PPP1R14C: variants seen among roughly 807,000 people sequenced by gnomAD.
The protein encoded by PPP1R14C is protein phosphatase 1 regulatory inhibitor subunit 14C.
A neutral mutation model predicts 20.4 loss-of-function variants in PPP1R14C; 16 were observed. The observed-to-expected ratio is 0.78, with a 90% CI of 0.53 to 1.19. The LOEUF is 1.19. Among genes scored for constraint, PPP1R14C ranks in the 50% most tolerant of loss-of-function variants. The probability of loss-of-function intolerance (pLI) is 0.00; values close to 1 mark genes in which losing one functional copy is unlikely to be tolerated. For missense variants in PPP1R14C, 211 were observed against 220.1 expected (o/e 0.96, Z 0.26); for synonymous variants, 91 against 91.0 (o/e 1.00, Z 0.00).
intron 1 of PPP1R14C, chr6:150,195,916 G>A: frequency 1.2e-5 from 12 of 985,394 alleles, no homozygotes; most frequent in Non-Finnish European, 1.4e-5. Flanking sequence ...GGCAGTGATT[G>A]GCCTGAATGC....
At chr6:150,236,966 C>T (rs1778369031) in intron 3 of PPP1R14C, among the ~76,000 whole-genome samples, 1 of 152,092 alleles carries the variant, frequency 6.6e-6, no homozygotes, top group South Asian at 2.1e-4. Flanking sequence ...GGAAAACTGA[C>T]CATCACTGAG....
chr6:150,236,420 T>G (rs777348764), intron 3 of PPP1R14C, among the ~76,000 whole-genome samples: 12 of 152,134 alleles, frequency 7.9e-5, no homozygotes, highest in Non-Finnish European at 1.6e-4. Flanking sequence ...CGGTGCATTC[T>G]CAGATCCCAA....
chr6:150,221,572 T>C (rs948876569), intron 3 of PPP1R14C, among the ~76,000 whole-genome samples: 1 of 152,230 alleles, frequency 6.6e-6, no homozygotes, highest in Non-Finnish European at 1.5e-5. Flanking sequence ...CTGATTCAGA[T>C]ACTTTTATTT....
At chr6:150,198,215 G>A (rs1777831610) in intron 1 of PPP1R14C, among the ~76,000 whole-genome samples, 2 of 147,920 alleles carry the variant, frequency 1.4e-5, no homozygotes, top group Non-Finnish European at 3.0e-5. Context: ...CACGGTGGAG[G>A]AGGGCCTGGA....
In PPP1R14C at chr6:150,249,445, A is replaced by AT. The variant is rs563428908; in HGVS notation, c.*629dup. On this transcript the variant is annotated 3_prime_UTR_variant, in exon 4 of 4. Transcript: ENST00000361131. ...AGTGAAAGAATTCAGTGTATCCGTT[A>AT]TTTTAATGCACTACACCACAGAAAT... The AT allele has an allele frequency of 1.0e-3, 407 of 398,644 alleles. 3 individuals are homozygous for AT. Among genetic ancestry groups the AT allele is most frequent in the African/African-American group, 7.4e-3 (360 of 48,748 alleles). 24.7% of individuals were successfully genotyped at this position (398,644 alleles called of 1,614,324 possible). A position where few individuals can be genotyped will look rare whatever the true frequency, so the allele number is the denominator to read the frequency against.
rs1360418660 is a variant in PPP1R14C, at chr6:150,201,912, C to T, written c.307-12832C>T. On this transcript the variant is annotated intron_variant, in intron 1 of 3. Transcript: ENST00000361131. The surrounding 1 kb of genome is among the most constrained non-coding windows in gnomAD (Gnocchi z 4.2). ...GAGTGAAGTATTCCATGAACCGTCA[C>T]ATTGCCTGCATAAACATGCATTACA... Among the ~76,000 whole-genome samples the T allele has an allele frequency of 6.6e-6, 1 of 152,168 alleles. No individual in the cohort carries two copies. The highest frequency in any genetic ancestry group is 2.4e-5 in the African/African-American group (1 of 41,430).
At chr6:150,194,839 A>G (rs1057323105) in intron 1 of PPP1R14C, 4 of 985,280 alleles carry the variant, frequency 4.1e-6, no homozygotes, top group Admixed American at 6.2e-5. Flanking sequence ...GGGGAAGTCT[A>G]CTTGTTTGAG....
At chr6:150,173,741 G>A (rs1189145569) in intron 1 of PPP1R14C, among the ~76,000 whole-genome samples, 1 of 152,122 alleles carries the variant, frequency 6.6e-6, no homozygotes, top group East Asian at 1.9e-4. Context: ...CGCTAGGAAT[G>A]GAGGCCCGCA....
intron 3 of PPP1R14C, among the ~76,000 whole-genome samples, chr6:150,232,984 G>T (rs146334528): frequency 1.3e-5 from 2 of 152,234 alleles, no homozygotes; most frequent in African/African-American, 4.8e-5. Context: ...GGGACAGGTT[G>T]TAGGAACAGA....
chr6:150,196,315 TTCAG>T (rs35971076), intron 1 of PPP1R14C, among the ~76,000 whole-genome samples: 41,350 of 151,858 alleles, frequency 0.27, 5,989 homozygotes, highest in Non-Finnish European at 0.32. Context: ...AAGTAAATCA[TTCAG>T]TCAGTCACTC....
chr6:150,178,721 T>C (rs1400270722), intron 1 of PPP1R14C, among the ~76,000 whole-genome samples: 1 of 152,276 alleles, frequency 6.6e-6, no homozygotes, highest in Non-Finnish European at 1.5e-5. Context: ...AGGGTCTTTA[T>C]ACTGTTGTTT....
chr6:150,201,199 CG>C lies in PPP1R14C; in HGVS notation c.307-13541del, dbSNP rs1322025146. 2.0e-5 allele frequency among the ~76,000 whole-genome samples: 3 copies of C among 152,128 alleles called. No homozygotes were observed. Among genetic ancestry groups the C allele is most frequent in the African/African-American group, 7.2e-5 (3 of 41,424 alleles). ...GTTATTTTATTTACAAAATGATTATCGGGGTCATGTGTCAGGCGCTATCCCA... is the reference window on the plus strand; with the variant it reads ...GTTATTTTATTTACAAAATGATTATCGGGTCATGTGTCAGGCGCTATCCCA... On this transcript the variant is annotated intron_variant, in intron 1 of 3. Coordinates refer to ENST00000361131, the MANE Select transcript of PPP1R14C (RefSeq NM_030949.3). This position sits in a 1 kb window ranked among gnomAD's most constrained non-coding sequence, Gnocchi z 4.2.
At chr6:150,223,344 C>T (rs1275335354) in intron 3 of PPP1R14C, among the ~76,000 whole-genome samples, 3 of 152,144 alleles carry the variant, frequency 2.0e-5, no homozygotes, top group African/African-American at 4.8e-5. Flanking sequence ...CATAAGTTCT[C>T]AAGTCTTTTG....
intron 1 of PPP1R14C, among the ~76,000 whole-genome samples, chr6:150,182,848 G>T (rs1777637102): frequency 6.6e-6 from 1 of 152,152 alleles, no homozygotes; most frequent in Non-Finnish European, 1.5e-5. Context: ...CGCCTAGATG[G>T]TACAGCCTAC....
intron 1 of PPP1R14C, among the ~76,000 whole-genome samples, chr6:150,155,355 T>G (rs905863558): frequency 1.3e-5 from 2 of 152,246 alleles, no homozygotes; most frequent in African/African-American, 4.8e-5. Context: ...TTTATTTATT[T>G]GGTATAATGA....
chr6:150,223,332 A>G (rs1778192351), intron 3 of PPP1R14C, among the ~76,000 whole-genome samples: 1 of 152,192 alleles, frequency 6.6e-6, no homozygotes, highest in Non-Finnish European at 1.5e-5. Context: ...TTTTTGTGTG[A>G]ACATAAGTTC....
chr6:150,210,606 G>A (rs4870373), intron 1 of PPP1R14C, among the ~76,000 whole-genome samples: 4 of 152,154 alleles, frequency 2.6e-5, no homozygotes, highest in African/African-American at 7.2e-5. Flanking sequence ...AAGGGGAACC[G>A]GCAGCCTATG....
chr6:150,164,907 C>T (rs4870339), intron 1 of PPP1R14C, among the ~76,000 whole-genome samples: 37,390 of 152,030 alleles, frequency 0.25, 4,841 homozygotes, highest in South Asian at 0.38. Flanking sequence ...GGATTAGTGC[C>T]CTTATAAAAG....
intron 2 of PPP1R14C, among the ~76,000 whole-genome samples, 173 bp downstream of exon 2, chr6:150,215,000 C>T (rs911943993): frequency 6.6e-6 from 1 of 152,232 alleles, no homozygotes; most frequent in Non-Finnish European, 1.5e-5. Context: ...TCTTAAACTG[C>T]CTCTCTGAGG....
Sources: gnomAD v4.1 joint callset for allele counts (sites outside exome capture counted in the v4.1 genomes callset) on GRCh38, gnomAD v4.1.1 for gene constraint, Gnocchi (gnomAD v3.1) non-coding constraint, MANE v1.5 for transcripts, NCBI Gene and HGNC (gene_info 2026-07-23, HGNC 2026-07-21) for gene names.